Variants in CACYBP observed in about 807,000 individuals in gnomAD.
CACYBP encodes calcyclin binding protein.
Under a neutral mutation model 29.6 loss-of-function variants are expected in CACYBP, and 11 were observed. The observed-to-expected ratio is 0.37, with a 90% CI of 0.23 to 0.61. The LOEUF is 0.61. Ranked by LOEUF, CACYBP falls within the 20% of genes least tolerant of loss-of-function variation. CACYBP has a pLI of 0.65. For missense variants in CACYBP, 163 were observed against 260.7 expected (o/e 0.63, Z 2.58); for synonymous variants, 73 against 88.3 (o/e 0.83, Z 0.97).
At chr1:175,000,321 G>T in intron 1 of CACYBP, 126 bp downstream of exon 1, 2 of 1,479,624 alleles carry the variant, frequency 1.4e-6, no homozygotes, top group South Asian at 1.3e-5. Flanking sequence ...CAGTCAGTGC[G>T]CCGCCTTCCC....
At chr1:175,008,457 G>C (rs572313069) in intron 4 of CACYBP, 152 bp from the exon 5 acceptor site, 1 of 508,582 alleles carries the variant, frequency 2.0e-6, no homozygotes, top group Non-Finnish European at 3.6e-6. Flanking sequence ...TGAATGTTCA[G>C]ATTTTGGCCT....
At position 175,011,010 on chromosome 1, in the gene CACYBP, T is replaced by C. The variant is rs528470129; in HGVS notation, c.*931T>C. 1.3e-5 allele frequency: 2 copies of C among 150,690 alleles called. No individual in the cohort carries two copies. The highest frequency in any genetic ancestry group is 4.2e-4 in the South Asian group (2 of 4,768). The allele number at this position is 150,690 out of a possible 1,614,324, so 9.3% of individuals were successfully genotyped here. On this transcript the variant is annotated 3_prime_UTR_variant, in exon 6 of 6. Coordinates refer to ENST00000367679, the MANE Select transcript of CACYBP (RefSeq NM_014412.3). ...CGCCCGTAATCCCAGCTACTAAGGCTGGAGGATCACTTCAGCCCAGGAGTT... is the reference window on the plus strand; with the variant it reads ...CGCCCGTAATCCCAGCTACTAAGGCCGGAGGATCACTTCAGCCCAGGAGTT...
At chr1:175,009,116 C>G (rs1234993142) in intron 5 of CACYBP, among the ~76,000 whole-genome samples, 7 of 152,160 alleles carry the variant, frequency 4.6e-5, no homozygotes, top group Non-Finnish European at 7.4e-5. Flanking sequence ...TACTTGCGTT[C>G]TAGGTCAGTT....
At chr1:175,008,825 G>C in intron 5 of CACYBP, 119 bp downstream of exon 5, 1 of 652,300 alleles carries the variant, frequency 1.5e-6, no homozygotes. Flanking sequence ...TACCTGAAGA[G>C]GGCACGTCCA....
At chr1:174,999,834 G>T, upstream of CACYBP, 1 of 451,874 alleles carries the variant, frequency 2.2e-6, no homozygotes, top group Non-Finnish European at 4.0e-6. Flanking sequence ...GTTCGCTCGC[G>T]AGACTTGAGC....
In CACYBP at chr1:174,999,951, G is replaced by A; in HGVS notation, c.-230G>A. Reference sequence around the variant, plus strand: ...AGGGTGGGTGGAGCCAGGCTTGGCGGGCTGTGCGTGCTCGCGGTGGGCGGT... The same window carrying A: ...AGGGTGGGTGGAGCCAGGCTTGGCGAGCTGTGCGTGCTCGCGGTGGGCGGT... On this transcript the variant is annotated 5_prime_UTR_variant, in exon 1 of 6. Transcript: ENST00000367679. The A allele has an allele frequency of 1.7e-6, 1 of 599,060 alleles. No individual in the cohort carries two copies. Among genetic ancestry groups the A allele is most frequent in the Non-Finnish European group, 2.9e-6 (1 of 349,554 alleles). The allele number at this position is 599,060 out of a possible 1,614,324, so 37.1% of individuals were successfully genotyped here. A position where few individuals can be genotyped will look rare whatever the true frequency, so the allele number is the denominator to read the frequency against.
chr1:175,008,680 G>C lies in CACYBP; in HGVS notation c.504G>C (p.Gln168His), dbSNP rs1474272195. The C allele has an allele frequency of 6.3e-7, 1 of 1,578,844 alleles. No individual in the cohort carries two copies. Among genetic ancestry groups the C allele is most frequent in the Non-Finnish European group, 8.7e-7 (1 of 1,147,942 alleles). Residue 168 changes from glutamine (Q) to histidine (H), a missense_variant, in exon 5 of 6, where the codon CAG (glutamine) becomes CAC (histidine). Transcript: ENST00000367679. Reference protein sequence around the residue: ...VENTRWDYLTQVEKECKEKEK... With the variant: ...VENTRWDYLTHVEKECKEKEK... Reference sequence around the variant, plus strand: ...ACACAAGGTGGGATTACCTGACCCAGGTTGAAAAGGAGTGCAAAGAAAAAG... The same window carrying C: ...ACACAAGGTGGGATTACCTGACCCACGTTGAAAAGGAGTGCAAAGAAAAAG...
In CACYBP at chr1:175,008,581, T is replaced by C. The variant is rs780223023; in HGVS notation, c.433-28T>C. 7.3e-6 allele frequency: 7 copies of C among 964,364 alleles called. No individual in the cohort carries two copies. The African/African-American group carries it at 9.7e-5, about 13-fold the overall frequency. The allele number at this position is 964,364 out of a possible 1,614,324, so 59.7% of individuals were successfully genotyped here. A position where few individuals can be genotyped will look rare whatever the true frequency, so the allele number is the denominator to read the frequency against. The stretch of plus-strand genomic sequence containing the variant: ...ATGCTTATCTCCATGTCTTCTAAGC[T>C]GTATTTGTTTTCCTGCTTTTCTTCC... On this transcript the variant is annotated intron_variant, in intron 4 of 5. Transcript: ENST00000367679.
At chr1:175,002,177 C>G (rs1672508679) in intron 1 of CACYBP, among the ~76,000 whole-genome samples, 1 of 152,168 alleles carries the variant, frequency 6.6e-6, no homozygotes, top group Non-Finnish European at 1.5e-5. Flanking sequence ...TGGTAACTTT[C>G]TGAGAAACTG....
chr1:175,007,033 G>A, intron 3 of CACYBP, 65 bp from the exon 4 acceptor site: 1 of 1,178,778 alleles, frequency 8.5e-7, no homozygotes, highest in Non-Finnish European at 1.2e-6. Flanking sequence ...TTTCCCACAA[G>A]AACTATGGAG....
chr1:175,007,479 A>C (rs759224591), intron 4 of CACYBP, among the ~76,000 whole-genome samples: 1 of 152,106 alleles, frequency 6.6e-6, no homozygotes, highest in African/African-American at 2.4e-5. Context: ...ACATTTGCCA[A>C]CTCCTTTTGT....
At chr1:175,008,737 T>G (rs778246676) in intron 5 of CACYBP, 31 bp downstream of exon 5, 40 of 1,008,240 alleles carry the variant, frequency 4.0e-5, no homozygotes, top group Non-Finnish European at 6.2e-5. Flanking sequence ...TTAAAGAATT[T>G]TAGTGTATTG....
At position 175,000,141 on chromosome 1, in the gene CACYBP, G is replaced by A; in HGVS notation, c.-40G>A. On this transcript the variant is annotated 5_prime_UTR_variant, in exon 1 of 6. Coordinates refer to ENST00000367679, the MANE Select transcript of CACYBP (RefSeq NM_014412.3). ...CGCGGGGTTTCCTGTTCCTCCTTCT[G>A]CGCGGCTGCAGCTCGGGACTTCGGC... 1 of 1,594,952 alleles carries A rather than the reference G, an allele frequency of 6.3e-7. No individual in the cohort carries two copies. Among genetic ancestry groups the A allele is most frequent in the South Asian group, 1.1e-5 (1 of 88,340 alleles).
At position 175,000,052 on chromosome 1, in the gene CACYBP, T is replaced by G; in HGVS notation, c.-129T>G. On this transcript the variant is annotated 5_prime_UTR_variant, in exon 1 of 6. Transcript: ENST00000367679. The stretch of plus-strand genomic sequence containing the variant: ...GCCGCGATCTTGCGCAGGGTCGGTG[T>G]GGGCGCAGGCTGCAGCGCCGCGACT... 7.5e-7 allele frequency: 1 copy of G among 1,330,120 alleles called. No individual in the cohort carries two copies. The highest frequency in any genetic ancestry group is 1.1e-6 in the Non-Finnish European group (1 of 950,302). 82.4% of individuals were successfully genotyped at this position (1,330,120 alleles called of 1,614,324 possible). A position where few individuals can be genotyped will look rare whatever the true frequency, so the allele number is the denominator to read the frequency against.
chr1:175,002,640 G>T (rs1672521536), intron 1 of CACYBP, among the ~76,000 whole-genome samples: 1 of 152,212 alleles, frequency 6.6e-6, no homozygotes. Context: ...ACATCTTAAA[G>T]TATTTGTGCA....
intron 1 of CACYBP, among the ~76,000 whole-genome samples, chr1:175,001,587 C>G (rs1013503734): frequency 1.6e-4 from 24 of 152,186 alleles, no homozygotes; most frequent in African/African-American, 5.8e-4. Flanking sequence ...TGTATGTGGC[C>G]TTTTGTTTTT....
chr1:174,999,456 C>T (rs1193539235), upstream of CACYBP: 1 of 152,894 alleles, frequency 6.5e-6, no homozygotes, highest in African/African-American at 2.4e-5. Flanking sequence ...ACGTCTCCAC[C>T]GCGCCAAACT....
intron 1 of CACYBP, among the ~76,000 whole-genome samples, chr1:175,002,190 AG>A (rs1357844897): frequency 3.9e-5 from 6 of 152,190 alleles, no homozygotes; most frequent in Admixed American, 3.9e-4. Flanking sequence ...AGAAACTGTT[AG>A]ACTGTTTCCA....
At position 174,999,997 on chromosome 1, in the gene CACYBP, G is replaced by A; in HGVS notation, c.-184G>A. 1.2e-6 allele frequency: 1 copy of A among 826,456 alleles called. No individual in the cohort carries two copies. The highest frequency in any genetic ancestry group is 1.7e-5 in the South Asian group (1 of 60,222). 51.2% of individuals were successfully genotyped at this position (826,456 alleles called of 1,614,324 possible). A position where few individuals can be genotyped will look rare whatever the true frequency, so the allele number is the denominator to read the frequency against. On this transcript the variant is annotated 5_prime_UTR_variant, in exon 1 of 6. Coordinates refer to ENST00000367679, the MANE Select transcript of CACYBP (RefSeq NM_014412.3). ...GCGGTGGCGGCGGCTGCCTCGCGAA[G>A]GTTCGAGATCCGTCGCGTGCGGGAG...
Sources: gnomAD v4.1 joint callset for allele counts (sites outside exome capture counted in the v4.1 genomes callset) on GRCh38, gnomAD v4.1.1 for gene constraint, MANE v1.5 for transcripts, NCBI Gene and HGNC (gene_info 2026-07-23, HGNC 2026-07-21) for gene names.